The following GPC5 variants were observed in gnomAD, a reference collection of about 807,000 sequenced individuals.
GPC5 encodes glypican 5, also known as glypican-5.
GPC5 carries 47 observed loss-of-function variants against 53.9 expected under a neutral mutation model. That is an observed-to-expected ratio of 0.87 (90% CI 0.69 to 1.11). GPC5 has a LOEUF of 1.11. GPC5 is among the 50% of genes most tolerant of loss of function. The pLI is 0.00. For synonymous variants in GPC5, 286 were observed against 263.3 expected, an observed-to-expected ratio of 1.09 and a Z score of -0.84; for missense variants, 748 against 713.1, an observed-to-expected ratio of 1.05 and a Z score of -0.56.
chr13:91,685,344 G>T (rs1193188199), intron 2 of GPC5, among the ~76,000 whole-genome samples: 1 of 152,110 alleles, frequency 6.6e-6, no homozygotes, highest in Non-Finnish European at 1.5e-5. Context: ...AAATCATTTT[G>T]CCCAAACCAG....
At chr13:92,787,329 AATACT>A (rs1594507014) in intron 7 of GPC5, among the ~76,000 whole-genome samples, 1 of 152,130 alleles carries the variant, frequency 6.6e-6, no homozygotes, top group Non-Finnish European at 1.5e-5. Context: ...TTATAAAAAG[AATACT>A]ATATTATGAA....
chr13:91,488,960 C>T (rs577262563), intron 2 of GPC5, among the ~76,000 whole-genome samples: 173 of 152,266 alleles, frequency 1.1e-3, no homozygotes, highest in Non-Finnish European at 2.0e-3. Flanking sequence ...CTTTTATGGT[C>T]GTAGCTGTGG....
intron 6 of GPC5, among the ~76,000 whole-genome samples, chr13:91,960,707 G>A (rs975232653): frequency 4.6e-5 from 7 of 151,860 alleles, no homozygotes; most frequent in African/African-American, 7.2e-5. Flanking sequence ...AAAAAGAGAC[G>A]TGGATAAATG....
chr13:91,579,586 G>C (rs2032270638), intron 2 of GPC5, among the ~76,000 whole-genome samples: 1 of 145,728 alleles, frequency 6.9e-6, no homozygotes, highest in Non-Finnish European at 1.5e-5. Context: ...TTACAGTTGA[G>C]TTTGCATCAT....
At chr13:92,746,124 C>A (rs9561134) in intron 7 of GPC5, among the ~76,000 whole-genome samples, 3 of 152,070 alleles carry the variant, frequency 2.0e-5, no homozygotes. Flanking sequence ...ATCCTGTCGT[C>A]TAGTCATTCC....
intron 6 of GPC5, among the ~76,000 whole-genome samples, chr13:91,963,699 G>A (rs1799191360): frequency 6.6e-6 from 1 of 152,142 alleles, no homozygotes; most frequent in African/African-American, 2.4e-5. Context: ...CTGATTGGGA[G>A]AGGTGGGAAG....
intron 7 of GPC5, among the ~76,000 whole-genome samples, chr13:92,518,379 A>C (rs1240481139): frequency 6.6e-6 from 1 of 152,200 alleles, no homozygotes; most frequent in East Asian, 1.9e-4. Context: ...GCCAGAGAGA[A>C]AGGTCGGGTT....
intron 7 of GPC5, among the ~76,000 whole-genome samples, chr13:92,802,197 C>A (rs935635708): frequency 2.0e-5 from 3 of 151,714 alleles, no homozygotes; most frequent in Admixed American, 6.6e-5. Flanking sequence ...CTTACCATTG[C>A]GTTACAATTG....
intron 3 of GPC5, among the ~76,000 whole-genome samples, chr13:91,718,887 T>G (rs934332854): frequency 1.3e-5 from 2 of 152,184 alleles, no homozygotes; most frequent in African/African-American, 4.8e-5. Flanking sequence ...TCTATTGTAC[T>G]GAAGTTAACT....
At chr13:91,973,298 G>A (rs992844467) in intron 6 of GPC5, among the ~76,000 whole-genome samples, 13 of 152,100 alleles carry the variant, frequency 8.5e-5, no homozygotes, top group Admixed American at 5.9e-4. Flanking sequence ...TAGTTCTCGA[G>A]CCTTGGCTTT....
rs561270644 is a variant in GPC5, at chr13:92,791,081, G to T, written c.1562-75201G>T. On this transcript the variant is annotated intron_variant, in intron 7 of 7. Coordinates refer to ENST00000377067, the MANE Select transcript of GPC5 (RefSeq NM_004466.6). Reference sequence around the variant, plus strand: ...AATATTTATTCTGTGAAATTCAACAGTCAGTTAGAATAAAGACCTATTCTG... The same window carrying T: ...AATATTTATTCTGTGAAATTCAACATTCAGTTAGAATAAAGACCTATTCTG... Among the ~76,000 whole-genome samples the T allele has an allele frequency of 2.6e-5, 4 of 152,104 alleles. No individual in the cohort carries two copies. In the South Asian group the frequency reaches 8.3e-4, roughly 32 times the overall value.
chr13:92,408,016 C>A (rs1875868927), intron 7 of GPC5, among the ~76,000 whole-genome samples: 1 of 152,206 alleles, frequency 6.6e-6, no homozygotes, highest in African/African-American at 2.4e-5. Flanking sequence ...CCAAGTGGAA[C>A]TGATCCGTGG....
chr13:91,633,411 C>A (rs2034208642), intron 2 of GPC5, among the ~76,000 whole-genome samples: 3 of 152,096 alleles, frequency 2.0e-5, no homozygotes, highest in Admixed American at 6.6e-5. Flanking sequence ...GAACAACTAA[C>A]CTAATGGCTA....
chr13:92,047,267 T>C (rs1243993017), intron 6 of GPC5, among the ~76,000 whole-genome samples: 2 of 152,060 alleles, frequency 1.3e-5, no homozygotes, highest in African/African-American at 4.8e-5. Context: ...AAAAACAACA[T>C]TAATTAAATC....
At chr13:92,707,294 A>C (rs979302497) in intron 7 of GPC5, among the ~76,000 whole-genome samples, 1 of 152,138 alleles carries the variant, frequency 6.6e-6, no homozygotes, top group African/African-American at 2.4e-5. Context: ...CCCAAGACAC[A>C]AATAGAAGTC....
At chr13:91,705,582 G>A (rs2036081027) in intron 3 of GPC5, among the ~76,000 whole-genome samples, 1 of 152,036 alleles carries the variant, frequency 6.6e-6, no homozygotes, top group Non-Finnish European at 1.5e-5. Context: ...TTTGATGCTG[G>A]ATATCATCGT....
intron 5 of GPC5, among the ~76,000 whole-genome samples, chr13:91,824,686 T>C (rs977835796): frequency 3.3e-5 from 5 of 151,620 alleles, no homozygotes; most frequent in Non-Finnish European, 7.4e-5. Flanking sequence ...CTCCAATAAA[T>C]GTTTCTTTGT....
At chr13:91,835,210 G>A (rs1269128034) in intron 5 of GPC5, among the ~76,000 whole-genome samples, 1 of 152,094 alleles carries the variant, frequency 6.6e-6, no homozygotes, top group Non-Finnish European at 1.5e-5. Context: ...CAGTTGGAAT[G>A]GCAATCATTA....
At chr13:91,411,522 G>T (rs571819344) in intron 1 of GPC5, among the ~76,000 whole-genome samples, 2 of 152,312 alleles carry the variant, frequency 1.3e-5, no homozygotes, top group African/African-American at 4.8e-5. Flanking sequence ...GCTACAGAAG[G>T]ACTGGGCAAG....
Sources: allele counts gnomAD v4.1 joint callset (sites outside exome capture counted in the v4.1 genomes callset), GRCh38; gene constraint gnomAD v4.1.1; transcripts MANE v1.5; gene names NCBI Gene and HGNC (gene_info 2026-07-23, HGNC 2026-07-21).